AGTPBP1: variants seen among roughly 807,000 people sequenced by gnomAD.
The protein encoded by AGTPBP1 is cytosolic carboxypeptidase 1.
In AGTPBP1, 70 loss-of-function variants were observed where a neutral mutation model predicts 143.9. The ratio of observed to expected loss-of-function variants is 0.49; its 90% CI spans 0.40 to 0.59. AGTPBP1 has a LOEUF of 0.59. AGTPBP1 is among the 20% of genes least tolerant of loss of function. AGTPBP1 has a pLI of 0.00. For missense variants in AGTPBP1, 1,229 were observed against 1,464.5 expected (o/e 0.84, Z 2.62); for synonymous variants, 463 against 500.2 (o/e 0.93, Z 0.99).
At chr9:85,616,387 T>C (rs957740302) in intron 17 of AGTPBP1, among the ~76,000 whole-genome samples, 8 of 152,008 alleles carry the variant, frequency 5.3e-5, no homozygotes, top group African/African-American at 1.9e-4. Flanking sequence ...GAAATTATTG[T>C]ATCTATCACA....
At chr9:85,777,967 C>A in the AGTPBP1 span, among the ~76,000 whole-genome samples, 1 of 152,188 alleles carries the variant, frequency 6.6e-6, no homozygotes, top group Non-Finnish European at 1.5e-5. Context: ...GTGGTGCCTG[C>A]ATATCGTGGA....
At chr9:85,623,956 T>C (rs1404368420) in intron 14 of AGTPBP1, among the ~76,000 whole-genome samples, 1 of 152,142 alleles carries the variant, frequency 6.6e-6, no homozygotes, top group African/African-American at 2.4e-5. Flanking sequence ...TCAACATTTA[T>C]GAAAGACTTG....
chr9:85,585,317 C>T (rs916303839), intron 23 of AGTPBP1, 146 bp downstream of exon 23: 4 of 778,376 alleles, frequency 5.1e-6, no homozygotes, highest in African/African-American at 1.8e-5. Context: ...AAAATATAAA[C>T]ATGAAAAACT....
rs2134025584 is a variant in AGTPBP1 at position 85,666,898 on chromosome 9, C to T, written c.662+2587G>A. Among the ~76,000 whole-genome samples, 3 of 152,180 alleles carry T rather than the reference C, an allele frequency of 2.0e-5. No individual in the cohort carries two copies. In the South Asian group the frequency reaches 6.2e-4, roughly 32 times the overall value. The stretch of plus-strand genomic sequence containing the variant: ...CATTCATACACACACTACTACATTG[C>T]TTATCTAAACTGTATTACATTAATA... On this transcript the variant is annotated intron_variant, in intron 8 of 25. Coordinates refer to ENST00000357081, the MANE Select transcript of AGTPBP1 (RefSeq NM_001330701.2).
chr9:85,660,849 C>A, intron 9 of AGTPBP1, 87 bp downstream of exon 9: 2 of 1,065,390 alleles, frequency 1.9e-6, no homozygotes, highest in South Asian at 1.6e-5. Flanking sequence ...TAACTATAGT[C>A]TAAATCTACA....
the AGTPBP1 span, among the ~76,000 whole-genome samples, chr9:85,764,550 G>C: frequency 1.3e-5 from 2 of 151,848 alleles, no homozygotes; most frequent in Non-Finnish European, 2.9e-5. Context: ...AAAAGAAAAT[G>C]AATACCCCCT....
Position 85,632,948 on chromosome 9 carries a change from A to C in AGTPBP1, c.1729T>G (p.Cys577Gly), listed in dbSNP as rs1214644924. ...CAKACPHMATCGNVLFEGRTV... is the reference protein window; with the variant it reads ...CAKACPHMATGGNVLFEGRTV... ...CTTCCCTCAAACAGAACATTTCCAC[A>C]AGTAGCCATGTGTGGACATGCTTTA... The change falls in exon 14 of 26, where the codon TGT (cysteine) becomes GGT (glycine). Residue 577 changes from cysteine to glycine, a missense_variant. Cys to Gly is a radical substitution (Grantham distance 159, BLOSUM62 -3). This residue lies in a region of AGTPBP1 where 743 missense variants were observed against 812.2 expected (regional missense o/e 0.91). Coordinates refer to ENST00000357081, the MANE Select transcript of AGTPBP1 (RefSeq NM_001330701.2). 1 of 1,614,134 alleles carries C rather than the reference A, an allele frequency of 6.2e-7. No individual in the cohort carries two copies. Among genetic ancestry groups the C allele is most frequent in the East Asian group, 2.2e-5 (1 of 44,886 alleles).
At chr9:85,711,913 T>G (rs528530825) in intron 2 of AGTPBP1, among the ~76,000 whole-genome samples, 15 of 152,182 alleles carry the variant, frequency 9.9e-5, no homozygotes, top group Non-Finnish European at 2.2e-4. Context: ...GATGCTGAAA[T>G]GCAAATTACA....
chr9:85,686,098 A>C (rs1256875568), intron 3 of AGTPBP1, among the ~76,000 whole-genome samples: 17 of 152,124 alleles, frequency 1.1e-4, no homozygotes. Flanking sequence ...GTAGACCTAA[A>C]TCCAGTCAAC....
intron 12 of AGTPBP1, among the ~76,000 whole-genome samples, chr9:85,644,843 G>C (rs1427584854): frequency 6.6e-6 from 1 of 151,964 alleles, no homozygotes; most frequent in East Asian, 1.9e-4. Context: ...TGAAGGAATA[G>C]GATTCAGATA....
chr9:85,596,467 A>C lies in AGTPBP1; in HGVS notation c.2336-18T>G. 6.8e-7 allele frequency: 1 copy of C among 1,480,058 alleles called. No individual in the cohort carries two copies. The highest frequency in any genetic ancestry group is 9.1e-7 in the Non-Finnish European group (1 of 1,096,428). The allele number at this position is 1,480,058 out of a possible 1,614,324, so 91.7% of individuals were successfully genotyped here. ...TTGCATACCTTTGAAAGAGAGAAAA[A>C]AAGAGAGAAAATTATTTTCATAATT... On this transcript the variant is annotated intron_variant, in intron 17 of 25. Transcript: ENST00000357081.
At chr9:85,602,038 A>C (rs932018034) in intron 17 of AGTPBP1, among the ~76,000 whole-genome samples, 2 of 152,226 alleles carry the variant, frequency 1.3e-5, no homozygotes, top group Admixed American at 1.3e-4. Context: ...GGAAGATGCG[A>C]CTGTTATACC....
chr9:85,649,178 G>A (rs1293961990), intron 11 of AGTPBP1, among the ~76,000 whole-genome samples: 1 of 152,024 alleles, frequency 6.6e-6, no homozygotes, highest in Non-Finnish European at 1.5e-5. Flanking sequence ...AGAAATATAG[G>A]AAACAACTTA....
At chr9:85,622,640 C>T (rs936485124) in intron 14 of AGTPBP1, among the ~76,000 whole-genome samples, 1 of 151,990 alleles carries the variant, frequency 6.6e-6, no homozygotes. Flanking sequence ...ACATAGTAGT[C>T]TATCAGGAAA....
At chr9:85,771,333 G>A in the AGTPBP1 span, among the ~76,000 whole-genome samples, 19 of 152,034 alleles carry the variant, frequency 1.2e-4, no homozygotes, top group Admixed American at 7.2e-4. Context: ...AGAATTAGCC[G>A]GGTGTGGTAG....
At chr9:85,581,438 A>T (rs968749298) in intron 23 of AGTPBP1, among the ~76,000 whole-genome samples, 2 of 152,234 alleles carry the variant, frequency 1.3e-5, no homozygotes, top group Non-Finnish European at 2.9e-5. Flanking sequence ...CAGAAAATTC[A>T]TATGAAGGCT....
At position 85,737,295 on chromosome 9, in the gene AGTPBP1, T is replaced by G. The variant is rs145140168; in HGVS notation, c.-34+4480A>C. Among the ~76,000 whole-genome samples, 57 of 152,312 alleles carry G rather than the reference T, an allele frequency of 3.7e-4. 2 individuals carry two copies. The highest frequency in any genetic ancestry group is 8.8e-5 in the Non-Finnish European group (6 of 68,026). ...AAAGTAAAGTGCTTCTGTAACTGAA[T>G]TGACAGCTTGAACTAGCCTCTTTTT... On this transcript the variant is annotated intron_variant, in intron 1 of 25. Coordinates refer to ENST00000357081, the MANE Select transcript of AGTPBP1 (RefSeq NM_001330701.2).
intron 15 of AGTPBP1, among the ~76,000 whole-genome samples, chr9:85,620,025 GTT>G (rs1417460909): frequency 6.6e-6 from 1 of 151,738 alleles, no homozygotes; most frequent in Non-Finnish European, 1.5e-5. Context: ...TAAGGTATAT[GTT>G]TCCTCTTTTT....
intron 1 of AGTPBP1, among the ~76,000 whole-genome samples, chr9:85,737,507 A>G (rs1427105240): frequency 1.3e-5 from 2 of 152,220 alleles, no homozygotes; most frequent in African/African-American, 4.8e-5. Flanking sequence ...CATATCCACC[A>G]TTGTCATGTC....
Sources: allele counts gnomAD v4.1 joint callset (sites outside exome capture counted in the v4.1 genomes callset), GRCh38; gene constraint gnomAD v4.1.1; regional missense constraint gnomAD v4.1.1; transcripts MANE v1.5; gene names NCBI Gene and HGNC (gene_info 2026-07-23, HGNC 2026-07-21).